ATF7IP2: variants seen among roughly 807,000 people sequenced by gnomAD.
The protein encoded by ATF7IP2 is activating transcription factor 7-interacting protein 2.
ATF7IP2 carries 42 observed loss-of-function variants against 64.2 expected under a neutral mutation model. The ratio of observed to expected loss-of-function variants is 0.65; its 90% CI spans 0.51 to 0.85. The LOEUF (loss-of-function observed/expected upper bound fraction) is 0.85, where lower values mean the gene tolerates loss of function less well. Among genes scored for constraint, ATF7IP2 ranks in the 40% least tolerant of loss-of-function variants. The pLI is 0.00. For missense variants in ATF7IP2, 933 were observed against 784.2 expected (o/e 1.19, Z -2.27); for synonymous variants, 308 against 272.8 (o/e 1.13, Z -1.27).
chr16:10,431,765 TAAG>T lies in ATF7IP2; in HGVS notation c.835+314_835+316del, dbSNP rs376637479. ...TTCTTATTTTGAAGTTTTATTAGATTAAGAAGGAGGCTAGTTGAAAGAGTGAGT... is the reference window on the plus strand; with the variant it reads ...TTCTTATTTTGAAGTTTTATTAGATTAAGGAGGCTAGTTGAAAGAGTGAGT... On this transcript the variant is annotated intron_variant, in intron 5 of 13. Coordinates refer to ENST00000562102, the MANE Select transcript of ATF7IP2 (RefSeq NM_001393719.1). Among the ~76,000 whole-genome samples the T allele has an allele frequency of 1.9e-3, 287 of 152,078 alleles. 2 individuals carry two copies. The highest frequency in any genetic ancestry group is 6.8e-3 in the African/African-American group (281 of 41,516).
intron 1 of ATF7IP2, among the ~76,000 whole-genome samples, chr16:10,410,298 A>C (rs1388980696): frequency 6.6e-6 from 1 of 151,462 alleles, no homozygotes; most frequent in African/African-American, 2.4e-5. Context: ...CTCCTTGGTT[A>C]GGTATATTCC....
chr16:10,431,990 A>ATTTTTT (rs34029007), intron 5 of ATF7IP2, among the ~76,000 whole-genome samples: 7 of 111,582 alleles, frequency 6.3e-5, no homozygotes, highest in Admixed American at 1.0e-4. Context: ...CGCCCGGCTA[A>ATTTTTT]TTTTTTTTTT....
chr16:10,397,348 T>C (rs2047439957), intron 1 of ATF7IP2, among the ~76,000 whole-genome samples: 1 of 152,236 alleles, frequency 6.6e-6, no homozygotes, highest in Non-Finnish European at 1.5e-5. Context: ...ATTTTAGGAT[T>C]GTATTTTTGA....
At chr16:10,428,353 T>C (rs1365396028) in intron 3 of ATF7IP2, among the ~76,000 whole-genome samples, 1 of 152,234 alleles carries the variant, frequency 6.6e-6, no homozygotes, top group Non-Finnish European at 1.5e-5. Context: ...GTTTTACTAA[T>C]TTGGGCCTTT....
At chr16:10,386,338 A>G (rs1045199632) in intron 1 of ATF7IP2, 1 of 152,254 alleles carries the variant, frequency 6.6e-6, no homozygotes, top group African/African-American at 2.4e-5. Context: ...GCGCGTCTCC[A>G]CCGTTTTCGC....
intron 2 of ATF7IP2, among the ~76,000 whole-genome samples, chr16:10,417,345 C>G (rs972260863): frequency 6.6e-6 from 1 of 151,984 alleles, no homozygotes; most frequent in Non-Finnish European, 1.5e-5. Flanking sequence ...ATGTGTCTTA[C>G]ATGGTAAGAC....
At chr16:10,440,776 G>A (rs1289481943) in intron 8 of ATF7IP2, among the ~76,000 whole-genome samples, 1 of 152,180 alleles carries the variant, frequency 6.6e-6, no homozygotes, top group East Asian at 1.9e-4. Context: ...TATAGTTTAA[G>A]TTCTGGGGTA....
At chr16:10,410,483 T>A in intron 1 of ATF7IP2, among the ~76,000 whole-genome samples, 1 of 152,214 alleles carries the variant, frequency 6.6e-6, no homozygotes, top group Non-Finnish European at 1.5e-5. Flanking sequence ...TAACTTTGTA[T>A]CCAGAAACTT....
chr16:10,411,213 T>C (rs2047751440), intron 1 of ATF7IP2, among the ~76,000 whole-genome samples: 1 of 152,188 alleles, frequency 6.6e-6, no homozygotes, highest in Non-Finnish European at 1.5e-5. Context: ...TGTATTAGGG[T>C]GATACTGGCT....
In ATF7IP2 at chr16:10,470,928, AAGTT is replaced by A. The variant is rs543122962; in HGVS notation, c.1353-1179_1353-1176del. 6.3e-4 allele frequency among the ~76,000 whole-genome samples: 96 copies of A among 151,922 alleles called. 1 individual carries two copies. Among genetic ancestry groups the A allele is most frequent in the Admixed American group, 9.2e-4 (14 of 15,226 alleles). ...AAGATGAAAACAATGTTGGGAAAGA[AAGTT>A]AGAAGACTACACTATCTTTGTTCAA... On this transcript the variant is annotated intron_variant, in intron 9 of 13. Transcript: ENST00000562102.
At chr16:10,445,679 G>A (rs1274903041) in intron 8 of ATF7IP2, 1 of 152,102 alleles carries the variant, frequency 6.6e-6, no homozygotes, top group Non-Finnish European at 1.5e-5. Flanking sequence ...TAATTTTTTT[G>A]TATTTTTAGT....
In ATF7IP2 at chr16:10,431,157, G is replaced by C. The variant is rs1476108422; in HGVS notation, c.537G>C (p.Gln179His). ...CCAGTGTATTGAGTGGTGTTGTTCAGATGCCAGAGTCTACAGTAACCAGTA... is the reference window on the plus strand; with the variant it reads ...CCAGTGTATTGAGTGGTGTTGTTCACATGCCAGAGTCTACAGTAACCAGTA... ...CPPSVLSGVV[Q>H]MPESTVTSTV... Residue 179 changes from glutamine to histidine, a missense_variant, in exon 5 of 14, where the codon CAG becomes CAC. Gln to His is a conservative substitution (Grantham distance 24). Transcript: ENST00000562102. 1 of 1,614,100 alleles carries C rather than the reference G, an allele frequency of 6.2e-7. No homozygotes were observed. Among genetic ancestry groups the C allele is most frequent in the East Asian group, 2.2e-5 (1 of 44,898 alleles).
At chr16:10,420,952 G>T (rs1028149336) in intron 3 of ATF7IP2, among the ~76,000 whole-genome samples, 3 of 152,182 alleles carry the variant, frequency 2.0e-5, no homozygotes, top group African/African-American at 7.2e-5. Context: ...TTAAAATTTA[G>T]TTATTTTAGG....
chr16:10,419,214 A>C (rs552691088), intron 2 of ATF7IP2, among the ~76,000 whole-genome samples: 2 of 152,358 alleles, frequency 1.3e-5, no homozygotes, highest in African/African-American at 2.4e-5. Flanking sequence ...GAATGATTAC[A>C]TCCAGGCATT....
At chr16:10,479,980 T>TAGACAGTC (rs2050158932) in intron 12 of ATF7IP2, among the ~76,000 whole-genome samples, 1 of 26,886 alleles carries the variant, frequency 3.7e-5, no homozygotes, top group Admixed American at 3.5e-4. Context: ...TTTTTTTTTT[T>TAGACAGTC]TTTTTTTTTT....
At chr16:10,392,056 CTTTT>C (rs369793123) in intron 1 of ATF7IP2, among the ~76,000 whole-genome samples, 30 of 126,104 alleles carry the variant, frequency 2.4e-4, no homozygotes, top group African/African-American at 8.4e-4. Context: ...GTTGTATTAT[CTTTT>C]TTTTTTTTTT....
rs554265925 is a variant in ATF7IP2, at chr16:10,429,236, A to G, written c.-11+220A>G. Among the ~76,000 whole-genome samples the G allele has an allele frequency of 3.4e-3, 522 of 152,388 alleles. 2 individuals carry two copies. Among genetic ancestry groups the G allele is most frequent in the Non-Finnish European group, 5.6e-3 (378 of 68,038 alleles). On this transcript the variant is annotated intron_variant, in intron 4 of 13. Coordinates refer to ENST00000562102, the MANE Select transcript of ATF7IP2 (RefSeq NM_001393719.1). The stretch of plus-strand genomic sequence containing the variant: ...ACAAAAATTGTATTCATGAAGAGAC[A>G]ATCATATAATACACAGTCCTATAGG...
intron 3 of ATF7IP2, among the ~76,000 whole-genome samples, chr16:10,422,535 T>C (rs932975228): frequency 2.0e-4 from 30 of 152,182 alleles, no homozygotes; most frequent in African/African-American, 6.5e-4. Context: ...CCCTTCACAA[T>C]GCAAGATATA....
At chr16:10,470,004 A>G (rs1481372057) in intron 9 of ATF7IP2, among the ~76,000 whole-genome samples, 1 of 152,198 alleles carries the variant, frequency 6.6e-6, no homozygotes, top group Non-Finnish European at 1.5e-5. Flanking sequence ...ATACATCAAC[A>G]GACCTACATT....
Sources: allele counts gnomAD v4.1 joint callset (sites outside exome capture counted in the v4.1 genomes callset), GRCh38; gene constraint gnomAD v4.1.1; transcripts MANE v1.5; gene names NCBI Gene and HGNC (gene_info 2026-07-23, HGNC 2026-07-21).